The following ATP8A2 variants were observed in gnomAD, a reference collection of about 807,000 sequenced individuals.
ATP8A2 encodes ATPase phospholipid transporting 8A2.
ATP8A2 carries 100 observed loss-of-function variants against 165.6 expected under a neutral mutation model. The ratio of observed to expected loss-of-function variants is 0.60; its 90% CI spans 0.51 to 0.71. The LOEUF is 0.71. Ranked by LOEUF, ATP8A2 falls within the 30% of genes least tolerant of loss-of-function variation. ATP8A2 has a pLI of 0.00. For synonymous variants in ATP8A2, 543 were observed against 548.8 expected, an observed-to-expected ratio of 0.99 and a Z score of 0.15; for missense variants, 1,227 against 1,479.5, an observed-to-expected ratio of 0.83 and a Z score of 2.80.
intron 1 of ATP8A2, among the ~76,000 whole-genome samples, chr13:25,439,639 A>G (rs1051731411): frequency 6.6e-6 from 1 of 152,192 alleles, no homozygotes; most frequent in Non-Finnish European, 1.5e-5. Flanking sequence ...GGCCAGGCAC[A>G]GCAGCTCATG....
chr13:25,573,939 TG>T (rs562373741), intron 18 of ATP8A2, among the ~76,000 whole-genome samples: 50 of 152,302 alleles, frequency 3.3e-4, no homozygotes, highest in African/African-American at 1.1e-3. Context: ...AATTTGAATG[TG>T]TTACTTCATT....
At chr13:25,731,117 G>A (rs2138085311) in intron 25 of ATP8A2, among the ~76,000 whole-genome samples, 4 of 93,672 alleles carry the variant, frequency 4.3e-5, no homozygotes, top group South Asian at 8.2e-4. Context: ...AGAGGGAAAG[G>A]GAAAAGAAAA....
chr13:25,962,014 G>C (rs1215268260), intron 34 of ATP8A2, among the ~76,000 whole-genome samples: 2 of 151,994 alleles, frequency 1.3e-5, no homozygotes, highest in Non-Finnish European at 2.9e-5. Context: ...AACAGAGCAA[G>C]ACCCTGTCTT....
At chr13:26,016,002 T>C (rs1956963064) in intron 36 of ATP8A2, among the ~76,000 whole-genome samples, 2 of 152,158 alleles carry the variant, frequency 1.3e-5, no homozygotes, top group Non-Finnish European at 2.9e-5. Flanking sequence ...TGAGGGGTGA[T>C]GGTGTCTGGT....
chr13:25,603,947 A>G (rs914961788), intron 24 of ATP8A2, among the ~76,000 whole-genome samples: 1 of 151,938 alleles, frequency 6.6e-6, no homozygotes, highest in Non-Finnish European at 1.5e-5. Context: ...ACTGAGTAAT[A>G]GTCTGTGTAG....
chr13:25,512,883 C>T (rs534932259), intron 2 of ATP8A2, among the ~76,000 whole-genome samples: 35,753 of 137,548 alleles, frequency 0.26, 6,040 homozygotes, highest in Non-Finnish European at 0.36. Flanking sequence ...CCTCACCTCC[C>T]GGACGGGGTG....
chr13:25,765,819 G>A (rs534662049), intron 25 of ATP8A2, among the ~76,000 whole-genome samples: 16 of 152,146 alleles, frequency 1.1e-4, no homozygotes, highest in Non-Finnish European at 1.9e-4. Context: ...TTGGCCTATC[G>A]CTAACCTCCC....
At position 25,633,692 on chromosome 13, in the gene ATP8A2, G is replaced by A. The variant is rs541384097; in HGVS notation, c.2211+43993G>A. ...ACATTATTTAAATCAAGATTATAGG[G>A]AGGCTGGACGTGGTCGCTCACGCTT... On this transcript the variant is annotated intron_variant, in intron 24 of 36. Transcript: ENST00000381655. 2.0e-5 allele frequency among the ~76,000 whole-genome samples: 3 copies of A among 152,258 alleles called. No individual in the cohort carries two copies. In the South Asian group the frequency reaches 6.2e-4, roughly 32 times the overall value.
chr13:25,934,760 G>C (rs1423516423), intron 33 of ATP8A2, among the ~76,000 whole-genome samples: 6 of 152,186 alleles, frequency 3.9e-5, no homozygotes, highest in Admixed American at 3.9e-4. Flanking sequence ...AGGAGGAAGA[G>C]GAATTCTAAA....
intron 33 of ATP8A2, among the ~76,000 whole-genome samples, chr13:25,952,485 A>G (rs935139239): frequency 1.3e-5 from 2 of 151,804 alleles, no homozygotes; most frequent in Non-Finnish European, 2.9e-5. Flanking sequence ...AGCCCAAGCG[A>G]TCCCCCCACC....
chr13:25,526,072 T>C (rs1259459977), intron 2 of ATP8A2, among the ~76,000 whole-genome samples: 1 of 152,044 alleles, frequency 6.6e-6, no homozygotes, highest in Admixed American at 6.6e-5. Flanking sequence ...CTTGATTCAT[T>C]CTCCTACTGA....
intron 24 of ATP8A2, among the ~76,000 whole-genome samples, chr13:25,658,827 T>G (rs575457068): frequency 9.9e-5 from 15 of 152,182 alleles, no homozygotes; most frequent in Non-Finnish European, 1.6e-4. Flanking sequence ...ACAGCTCTTT[T>G]GCTCAGAGCC....
rs1208064773 is a variant in ATP8A2, at chr13:25,769,191, A to T, written c.2530A>T (p.Met844Leu). 3 of 1,613,730 alleles carry T rather than the reference A, an allele frequency of 1.9e-6. No homozygotes were observed. Among genetic ancestry groups the T allele is most frequent in the South Asian group, 2.2e-5 (2 of 91,080 alleles). The change falls in exon 26 of 37, where the codon ATG becomes TTG. Residue 844 changes from methionine (M) to leucine (L), a missense_variant. Transcript: ENST00000381655. ...TGTGGGAATCAGTGGGAATGAAGGC[A>T]TGCAGGCCACCAACAACTCGGATTA... ...VGVGISGNEG[M>L]QATNNSDYAI...
chr13:25,890,745 A>G (rs1953333516), intron 33 of ATP8A2, among the ~76,000 whole-genome samples: 1 of 152,238 alleles, frequency 6.6e-6, no homozygotes, highest in African/African-American at 2.4e-5. Context: ...TATTGCTAGA[A>G]ATGAATATCC....
Position 26,012,605 on chromosome 13 carries a change from T to C in ATP8A2, c.3452T>C (p.Leu1151Pro). 1 of 1,501,740 alleles carries C rather than the reference T, an allele frequency of 6.7e-7. No homozygotes were observed. The highest frequency in any genetic ancestry group is 1.3e-5 in the South Asian group (1 of 77,148). 93.0% of individuals were successfully genotyped at this position (1,501,740 alleles called of 1,614,324 possible). A position where few individuals can be genotyped will look rare whatever the true frequency, so the allele number is the denominator to read the frequency against. Reference protein sequence around the residue: ...TPPTLFRGSSLQQGVPHGYAF... With the variant: ...TPPTLFRGSSPQQGVPHGYAF... ...CCGACGCTGTTCCGGGGCAGCTCCC[T>C]GCAGCAGGGCGTCCCGCGTGAGTAC... The change falls in exon 36 of 37, where the codon CTG becomes CCG. Residue 1151 changes from leucine (L) to proline (P), a missense_variant. Around this residue, in one of 5 missense-constraint regions of ATP8A2, gnomAD observed 260 missense variants for 245.1 expected, o/e 1.06. Transcript: ENST00000381655.
At position 25,953,305 on chromosome 13, in the gene ATP8A2, G is replaced by A. The variant is rs961281665; in HGVS notation, c.3184-8270G>A. On this transcript the variant is annotated intron_variant, in intron 33 of 36. Coordinates refer to ENST00000381655, the MANE Select transcript of ATP8A2 (RefSeq NM_016529.6). This position sits in a 1 kb window ranked among gnomAD's most constrained non-coding sequence, Gnocchi z 6.7. ...CTGGCTGCAGGTGCTGTGGGGAAGG[G>A]GCAGACTTAAATTTTCTTCTGTAAA... 6.6e-6 allele frequency among the ~76,000 whole-genome samples: 1 copy of A among 151,894 alleles called. No individual in the cohort carries two copies. Among genetic ancestry groups the A allele is most frequent in the Non-Finnish European group, 1.5e-5 (1 of 67,984 alleles).
rs1416642904 is a variant in ATP8A2, at chr13:25,896,202, G to A, written c.3183+33794G>A. ...TAAATTTCCCTCTACACACTACTTT[G>A]AATGTGTCCCAGAGATTCTGGTATG... On this transcript the variant is annotated intron_variant, in intron 33 of 36. Transcript: ENST00000381655. Among the ~76,000 whole-genome samples the A allele has an allele frequency of 3.9e-5, 6 of 152,278 alleles. No homozygotes were observed. The East Asian group carries it at 1.2e-3, about 29-fold the overall frequency.
intron 35 of ATP8A2, among the ~76,000 whole-genome samples, chr13:25,985,471 A>G (rs1956262143): frequency 6.6e-6 from 1 of 152,228 alleles, no homozygotes; most frequent in Non-Finnish European, 1.5e-5. Context: ...TGCCGATACC[A>G]GAGACCTCAC....
At chr13:25,491,636 G>GT (rs917718296) in intron 2 of ATP8A2, among the ~76,000 whole-genome samples, 1 of 152,162 alleles carries the variant, frequency 6.6e-6, no homozygotes, top group Non-Finnish European at 1.5e-5. Context: ...ACCACGTGGG[G>GT]TTTTTTACAT....
Sources: allele counts gnomAD v4.1 joint callset (sites outside exome capture counted in the v4.1 genomes callset), GRCh38; gene constraint gnomAD v4.1.1; regional missense constraint gnomAD v4.1.1; non-coding constraint Gnocchi (gnomAD v3.1); transcripts MANE v1.5; gene names NCBI Gene and HGNC (gene_info 2026-07-23, HGNC 2026-07-21).